EFCAB6: variants seen among roughly 807,000 people sequenced by gnomAD.
The protein encoded by EFCAB6 is EF-hand calcium-binding domain-containing protein 6.
EFCAB6 carries 156 observed loss-of-function variants against 169.8 expected under a neutral mutation model. That is an observed-to-expected ratio of 0.92 (90% CI 0.81 to 1.05). The LOEUF (loss-of-function observed/expected upper bound fraction) is 1.05, where lower values mean the gene tolerates loss of function less well. Among genes scored for constraint, EFCAB6 ranks in the 50% least tolerant of loss-of-function variants. EFCAB6 has a pLI of 0.00. For synonymous variants in EFCAB6, 698 were observed against 676.4 expected, an observed-to-expected ratio of 1.03 and a Z score of -0.50; for missense variants, 1,800 against 1,829.1, an observed-to-expected ratio of 0.98 and a Z score of 0.29.
At chr22:43,618,949 GGCCCTCA>G (rs1406825422) in intron 20 of EFCAB6, among the ~76,000 whole-genome samples, 9 of 151,290 alleles carry the variant, frequency 5.9e-5, no homozygotes, top group Non-Finnish European at 1.0e-4. Context: ...CCCTGAAGGT[GGCCCTCA>G]CCATGAGACA....
At chr22:43,634,961 GT>G (rs1047322806) in intron 18 of EFCAB6, 140 bp downstream of exon 18, 11 of 643,788 alleles carry the variant, frequency 1.7e-5, no homozygotes, top group Middle Eastern at 3.0e-4. Context: ...AAAAATGGTT[GT>G]TTGCAGCCCC....
chr22:43,588,682 A>G (rs1251406723), intron 24 of EFCAB6, among the ~76,000 whole-genome samples: 1 of 152,226 alleles, frequency 6.6e-6, no homozygotes, highest in Non-Finnish European at 1.5e-5. Context: ...CTAAGAATTT[A>G]GAACATGAAA....
chr22:43,794,415 A>G (rs1338863920), intron 2 of EFCAB6, among the ~76,000 whole-genome samples: 2 of 152,220 alleles, frequency 1.3e-5, no homozygotes, highest in African/African-American at 2.4e-5. Flanking sequence ...GTAACAGTGA[A>G]GCCAAGACCC....
chr22:43,667,317 C>T (rs770490766), intron 16 of EFCAB6, 45 bp from the exon 17 acceptor site: 79 of 1,596,360 alleles, frequency 4.9e-5, no homozygotes, highest in Non-Finnish European at 6.4e-5. Flanking sequence ...AACTGACACA[C>T]GCAGGGTGCT....
chr22:43,706,811 G>GTA (rs2058976602), intron 10 of EFCAB6, among the ~76,000 whole-genome samples: 2 of 152,188 alleles, frequency 1.3e-5, no homozygotes, highest in Non-Finnish European at 2.9e-5. Context: ...TACTATAAAA[G>GTA]GCATTGCTAA....
intron 21 of EFCAB6, among the ~76,000 whole-genome samples, chr22:43,614,988 CAGG>C (rs1458984029): frequency 2.6e-5 from 4 of 152,012 alleles, no homozygotes; most frequent in African/African-American, 4.8e-5. Context: ...CCACTCTGTG[CAGG>C]ACAGGAGGTT....
intron 10 of EFCAB6, among the ~76,000 whole-genome samples, chr22:43,703,959 T>C (rs949479405): frequency 8.6e-5 from 13 of 151,954 alleles, no homozygotes; most frequent in African/African-American, 3.1e-4. Context: ...AAAGAAATAA[T>C]GACTGAAAAC....
At chr22:43,665,188 T>C (rs928687676) in intron 17 of EFCAB6, among the ~76,000 whole-genome samples, 1 of 151,926 alleles carries the variant, frequency 6.6e-6, no homozygotes, top group Non-Finnish European at 1.5e-5. Flanking sequence ...GGTAGACAGG[T>C]AGGTGCATGA....
intron 20 of EFCAB6, among the ~76,000 whole-genome samples, chr22:43,623,865 C>T (rs77293552): frequency 0.043 from 6,233 of 145,522 alleles, 153 homozygotes; most frequent in African/African-American, 0.067. Flanking sequence ...GCCGAGATTC[C>T]GCCACTGTAC....
chr22:43,655,100 A>G (rs2056670591), intron 17 of EFCAB6, among the ~76,000 whole-genome samples: 1 of 152,016 alleles, frequency 6.6e-6, no homozygotes, highest in Non-Finnish European at 1.5e-5. Context: ...TCTACTAAAA[A>G]TACAAAATTA....
intron 2 of EFCAB6, among the ~76,000 whole-genome samples, chr22:43,803,254 T>TG (rs1321084113): frequency 6.6e-6 from 1 of 152,212 alleles, no homozygotes. Context: ...GTTCTCTTTC[T>TG]GGGTTGTGGA....
chr22:43,579,990 T>C (rs1226194246), intron 25 of EFCAB6, among the ~76,000 whole-genome samples: 1 of 152,186 alleles, frequency 6.6e-6, no homozygotes, highest in Non-Finnish European at 1.5e-5. Context: ...GTACACCGTC[T>C]AAAGCACCAC....
chr22:43,657,335 A>G (rs1014530640), intron 17 of EFCAB6, among the ~76,000 whole-genome samples: 1 of 152,024 alleles, frequency 6.6e-6, no homozygotes, highest in African/African-American at 2.4e-5. Flanking sequence ...GTCATAATCC[A>G]CACCTCAGCA....
chr22:43,614,806 T>G (rs1298956231), intron 21 of EFCAB6, among the ~76,000 whole-genome samples: 1 of 152,192 alleles, frequency 6.6e-6, no homozygotes, highest in Non-Finnish European at 1.5e-5. Context: ...GTCCACTCTA[T>G]AGAGTCCACA....
chr22:43,649,427 G>A (rs183490887), intron 17 of EFCAB6, among the ~76,000 whole-genome samples: 1 of 152,204 alleles, frequency 6.6e-6, no homozygotes, highest in Admixed American at 6.5e-5. Context: ...AAAAGATACT[G>A]TCATACACAG....
chr22:43,685,773 C>G (rs2147129601), intron 11 of EFCAB6, among the ~76,000 whole-genome samples: 1 of 152,206 alleles, frequency 6.6e-6, no homozygotes, highest in South Asian at 2.1e-4. Flanking sequence ...ACATGTTTCA[C>G]TTTTTGACCT....
intron 7 of EFCAB6, among the ~76,000 whole-genome samples, chr22:43,732,146 C>T (rs976512032): frequency 1.4e-4 from 21 of 152,162 alleles, no homozygotes; most frequent in African/African-American, 5.1e-4. Flanking sequence ...TCTGTCTGCA[C>T]GGCAGCTGCC....
chr22:43,666,963 A>G, intron 17 of EFCAB6, 141 bp downstream of exon 17: 1 of 1,164,538 alleles, frequency 8.6e-7, no homozygotes, highest in Non-Finnish European at 1.2e-6. Context: ...CCAAAAAAAA[A>G]AATCCTTTTA....
intron 17 of EFCAB6, among the ~76,000 whole-genome samples, chr22:43,646,210 C>G (rs898539211): frequency 6.6e-6 from 1 of 152,164 alleles, no homozygotes; most frequent in Non-Finnish European, 1.5e-5. Flanking sequence ...CAGGAAAAGC[C>G]GATGCTAAGC....
Sources: allele counts gnomAD v4.1 joint callset (sites outside exome capture counted in the v4.1 genomes callset), GRCh38; gene constraint gnomAD v4.1.1; transcripts MANE v1.5; gene names NCBI Gene and HGNC (gene_info 2026-07-23, HGNC 2026-07-21).